MAML2: variants seen among roughly 807,000 people sequenced by gnomAD.
The protein encoded by MAML2 is mastermind like transcriptional coactivator 2.
MAML2 carries 22 observed loss-of-function variants against 96.1 expected under a neutral mutation model. The ratio of observed to expected loss-of-function variants is 0.23; its 90% CI spans 0.16 to 0.33. The LOEUF (loss-of-function observed/expected upper bound fraction) is 0.33. Ranked by LOEUF, MAML2 falls within the 10% of genes least tolerant of loss-of-function variation. The pLI is 1.00. For missense variants in MAML2, 1,367 were observed against 1,392.4 expected (o/e 0.98, Z 0.29); for synonymous variants, 561 against 521.3 (o/e 1.08, Z -1.04).
chr11:96,042,647 T>C (rs972136095), intron 2 of MAML2, among the ~76,000 whole-genome samples: 1 of 152,046 alleles, frequency 6.6e-6, no homozygotes, highest in Non-Finnish European at 1.5e-5. Context: ...CTGTTCCCCA[T>C]GAAGCCTTTT....
chr11:96,092,621 T>C lies in MAML2; in HGVS notation c.1410A>G (p.Pro470=). The change falls in exon 2 of 5, where the codon CCA becomes CCG. Residue 470 remains proline, a synonymous_variant. Transcript: ENST00000524717. The surrounding 1 kb of genome is among the most constrained non-coding windows in gnomAD (Gnocchi z 4.1). ...NWSALPSSAG[P]SPGPFGQEKI... ...TCTCCTGCCCAAATGGACCTGGTGA[T>C]GGTCCAGCAGAAGAGGGCAAGGCTG... is the stretch of plus-strand genomic sequence containing the variant. 1 of 1,613,488 alleles carries C rather than the reference T, an allele frequency of 6.2e-7. No individual in the cohort carries two copies.
At chr11:96,201,422 A>G (rs549122153) in intron 1 of MAML2, among the ~76,000 whole-genome samples, 46 of 152,354 alleles carry the variant, frequency 3.0e-4, no homozygotes, top group African/African-American at 1.0e-3. Flanking sequence ...ATTTAGATTA[A>G]GAAACAATTA....
intron 1 of MAML2, among the ~76,000 whole-genome samples, chr11:96,188,301 G>A (rs1180960298): frequency 6.6e-6 from 1 of 152,144 alleles, no homozygotes; most frequent in Non-Finnish European, 1.5e-5. Flanking sequence ...TCTAATTTCA[G>A]ATTTTAAAAC....
At chr11:95,988,421 G>A (rs1288890014) in intron 3 of MAML2, among the ~76,000 whole-genome samples, 1 of 151,184 alleles carries the variant, frequency 6.6e-6, no homozygotes, top group Non-Finnish European at 1.5e-5. Context: ...ATCATGCCCA[G>A]CTAATTTTGT....
At chr11:96,153,407 T>C (rs1385915654) in intron 1 of MAML2, among the ~76,000 whole-genome samples, 1 of 152,226 alleles carries the variant, frequency 6.6e-6, no homozygotes, top group Non-Finnish European at 1.5e-5. Context: ...GGCAAGTTAT[T>C]GTAACATTCT....
intron 1 of MAML2, among the ~76,000 whole-genome samples, chr11:96,153,161 A>AT (rs71459787): frequency 0.12 from 17,272 of 142,274 alleles, 1,282 homozygotes; most frequent in Non-Finnish European, 0.18. Flanking sequence ...TGTTTTTAGA[A>AT]TTTTTTTTTT....
At position 95,985,619 on chromosome 11, in the gene MAML2, C is replaced by T. The variant is rs773031334; in HGVS notation, c.2367G>A (p.Gln789=). ...ADAEKIAPQD[Q]INRHLSRPPP... is the part of the protein sequence containing the mutation. ...GTGGCCTTGACAAATGTCGGTTTAT[C>T]TGATCTTGTGGAGCAATTTTCTCCT... The change falls in exon 4 of 5, where the codon CAG becomes CAA. Residue 789 remains glutamine, a synonymous_variant. Coordinates refer to ENST00000524717, the MANE Select transcript of MAML2 (RefSeq NM_032427.4). 9 of 1,611,608 alleles carry T rather than the reference C, an allele frequency of 5.6e-6. No homozygotes were observed. Among genetic ancestry groups the T allele is most frequent in the Non-Finnish European group, 7.6e-6 (9 of 1,178,402 alleles).
intron 1 of MAML2, among the ~76,000 whole-genome samples, chr11:96,330,158 T>C (rs1286587520): frequency 6.6e-6 from 1 of 152,204 alleles, no homozygotes; most frequent in Non-Finnish European, 1.5e-5. Flanking sequence ...AAAAAATTAA[T>C]CGCTGTTTAG....
At chr11:96,098,719 G>A (rs1316413474) in intron 1 of MAML2, among the ~76,000 whole-genome samples, 1 of 152,238 alleles carries the variant, frequency 6.6e-6, no homozygotes, top group Non-Finnish European at 1.5e-5. Flanking sequence ...GCATAGGCCT[G>A]TCCGGGGCAG....
At chr11:96,308,523 C>T (rs1180107088) in intron 1 of MAML2, among the ~76,000 whole-genome samples, 3 of 152,166 alleles carry the variant, frequency 2.0e-5, no homozygotes, top group Non-Finnish European at 4.4e-5. Flanking sequence ...AATCATTTCC[C>T]ATACCCAAAA....
chr11:96,086,163 C>G (rs888051124), intron 2 of MAML2, among the ~76,000 whole-genome samples: 20 of 152,120 alleles, frequency 1.3e-4, no homozygotes. Context: ...GGGAAGGAAC[C>G]ATGTTTTCCT....
At chr11:96,323,431 G>A (rs1863735135) in intron 1 of MAML2, among the ~76,000 whole-genome samples, 1 of 151,014 alleles carries the variant, frequency 6.6e-6, no homozygotes, top group African/African-American at 2.4e-5. Context: ...CGATCTGGTT[G>A]CAGGTTGGCG....
chr11:96,262,558 C>G (rs1459206301), intron 1 of MAML2, among the ~76,000 whole-genome samples: 1 of 151,974 alleles, frequency 6.6e-6, no homozygotes, highest in Non-Finnish European at 1.5e-5. Flanking sequence ...ACCTCCGCCT[C>G]CCAGGTTGAT....
chr11:96,138,015 C>T (rs1860664995), intron 1 of MAML2, among the ~76,000 whole-genome samples: 1 of 151,894 alleles, frequency 6.6e-6, no homozygotes, highest in Non-Finnish European at 1.5e-5. Context: ...TATTTTGAAC[C>T]AAATGATTAA....
At chr11:96,306,411 C>T (rs894240348) in intron 1 of MAML2, among the ~76,000 whole-genome samples, 28 of 152,122 alleles carry the variant, frequency 1.8e-4, no homozygotes, top group African/African-American at 6.3e-4. Context: ...GTGTTGACTA[C>T]TGCAAAAAGG....
intron 1 of MAML2, among the ~76,000 whole-genome samples, chr11:96,112,369 C>T (rs1860143385): frequency 6.6e-6 from 1 of 152,266 alleles, no homozygotes; most frequent in South Asian, 2.1e-4. Flanking sequence ...GGGGCAGTGT[C>T]CATCTCAGGA....
intron 2 of MAML2, among the ~76,000 whole-genome samples, chr11:96,051,567 G>C (rs560011667): frequency 6.6e-6 from 1 of 152,128 alleles, no homozygotes; most frequent in Non-Finnish European, 1.5e-5. Context: ...TCTGATTCTA[G>C]ATCTCATGCC....
chr11:96,063,821 ATCTC>A (rs750127085), intron 2 of MAML2, among the ~76,000 whole-genome samples: 1 of 152,324 alleles, frequency 6.6e-6, no homozygotes, highest in Admixed American at 6.5e-5. Flanking sequence ...CAGTTTGAGA[ATCTC>A]TCTGTTATTG....
chr11:96,054,111 T>C lies in MAML2; in HGVS notation c.2139+37781A>G, dbSNP rs571378089. ...CTCTCTGCAAAATCCCCAGAGGAGT[T>C]CTTAGCCAGGTGCAGATTGGAATTT... On this transcript the variant is annotated intron_variant, in intron 2 of 4. Transcript: ENST00000524717. Among the ~76,000 whole-genome samples, 6 of 152,326 alleles carry C rather than the reference T, an allele frequency of 3.9e-5. No homozygotes were observed. In the East Asian group the frequency reaches 1.2e-3, roughly 29 times the overall value.
Sources: allele counts gnomAD v4.1 joint callset (sites outside exome capture counted in the v4.1 genomes callset), GRCh38; gene constraint gnomAD v4.1.1; non-coding constraint Gnocchi (gnomAD v3.1); transcripts MANE v1.5; gene names NCBI Gene and HGNC (gene_info 2026-07-23, HGNC 2026-07-21).